Variants in ANKRD42 observed in about 807,000 individuals in gnomAD.
ANKRD42 encodes ankyrin repeat domain 42.
ANKRD42 carries 43 observed loss-of-function variants against 51.5 expected under a neutral mutation model. The ratio of observed to expected loss-of-function variants is 0.83; its 90% CI spans 0.65 to 1.08. ANKRD42 has a LOEUF of 1.08. Among genes scored for constraint, ANKRD42 ranks in the 50% least tolerant of loss-of-function variants. The probability of loss-of-function intolerance (pLI) is 0.00; values close to 1 mark genes in which losing one functional copy is unlikely to be tolerated. For missense variants in ANKRD42, 608 were observed against 629.3 expected (o/e 0.97, Z 0.36); for synonymous variants, 203 against 213.0 (o/e 0.95, Z 0.41).
chr11:83,215,518 C>T (rs1003989392), intron 5 of ANKRD42, among the ~76,000 whole-genome samples: 3 of 152,012 alleles, frequency 2.0e-5, no homozygotes, highest in East Asian at 1.9e-4. Context: ...GTAACTCCTA[C>T]GTTCCTTTCT....
intron 5 of ANKRD42, among the ~76,000 whole-genome samples, chr11:83,220,441 C>G (rs1322876637): frequency 6.6e-6 from 1 of 152,162 alleles, no homozygotes; most frequent in Non-Finnish European, 1.5e-5. Context: ...CTGGACACTC[C>G]TGGCAGGCTC....
chr11:83,202,399 A>G (rs754409923), intron 2 of ANKRD42, among the ~76,000 whole-genome samples: 53 of 152,292 alleles, frequency 3.5e-4, no homozygotes, highest in Middle Eastern at 3.4e-3. Context: ...GTAGCCTTGT[A>G]GTATAGTTTG....
downstream of ANKRD42, among the ~76,000 whole-genome samples, chr11:83,249,285 A>G (rs1863633929): frequency 6.6e-6 from 1 of 152,148 alleles, no homozygotes; most frequent in South Asian, 2.1e-4. Context: ...AGGGCACTGT[A>G]GCCTCGAACT....
intron 5 of ANKRD42, chr11:83,212,705 C>T: frequency 3.3e-6 from 5 of 1,536,102 alleles, no homozygotes; most frequent in Admixed American, 2.0e-5. Context: ...GCATGCTGGA[C>T]TTACATAATT....
At chr11:83,234,733 T>G (rs938878390) in intron 7 of ANKRD42, among the ~76,000 whole-genome samples, 4 of 152,190 alleles carry the variant, frequency 2.6e-5, no homozygotes, top group Non-Finnish European at 1.5e-5. Context: ...TGTTGCCATT[T>G]TTGTCTAAAG....
At chr11:83,198,422 CT>C (rs150340749) in intron 1 of ANKRD42, 56 bp from the exon 2 acceptor site, 156 of 1,478,298 alleles carry the variant, frequency 1.1e-4, no homozygotes, top group South Asian at 2.8e-4. Flanking sequence ...CTGTTTTAGT[CT>C]TTTTTTTTCT....
At chr11:83,221,204 T>C (rs766486678) in intron 5 of ANKRD42, among the ~76,000 whole-genome samples, 3 of 152,214 alleles carry the variant, frequency 2.0e-5, no homozygotes, top group Non-Finnish European at 2.9e-5. Context: ...TTGGCAAATA[T>C]GTTTCTCAAT....
intron 1 of ANKRD42, among the ~76,000 whole-genome samples, chr11:83,196,949 G>A (rs1487233638): frequency 1.3e-5 from 2 of 152,222 alleles, no homozygotes; most frequent in Non-Finnish European, 2.9e-5. Context: ...GTCTGTGTAA[G>A]ATGGATTAGA....
At chr11:83,201,147 CT>C (rs932512135) in intron 2 of ANKRD42, among the ~76,000 whole-genome samples, 14 of 152,290 alleles carry the variant, frequency 9.2e-5, no homozygotes, top group African/African-American at 2.9e-4. Context: ...TCCGCCTCCC[CT>C]AACCCTCCAC....
chr11:83,224,319 T>C (rs1210438648), intron 5 of ANKRD42, among the ~76,000 whole-genome samples: 1 of 152,228 alleles, frequency 6.6e-6, no homozygotes, highest in Non-Finnish European at 1.5e-5. Context: ...ATTTTACTTA[T>C]ATAATAAGCA....
downstream of ANKRD42, chr11:83,259,786 T>A (rs2135573639): frequency 6.6e-6 from 1 of 152,386 alleles, no homozygotes; most frequent in East Asian, 1.9e-4. Context: ...TGCCGCAGCC[T>A]CCCAAGCAGC....
chr11:83,210,010 C>A, intron 3 of ANKRD42: 1 of 359,646 alleles, frequency 2.8e-6, no homozygotes, highest in South Asian at 4.0e-5. Flanking sequence ...TGTATGGCAA[C>A]TTGAGAATTT....
rs753411504 is a variant in ANKRD42 at position 83,248,031 on chromosome 11, G to GT, written c.1413dup (p.Asp472Ter). 6.8e-6 allele frequency: 11 copies of GT among 1,609,748 alleles called. No homozygotes were observed. In the Admixed American group the frequency reaches 1.8e-4, roughly 27 times the overall value. On this transcript the variant is annotated frameshift_variant, in exon 11 of 11. Coordinates refer to ENST00000533342, the MANE Select transcript of ANKRD42 (RefSeq NM_001300975.2). LOFTEE classifies it low-confidence loss of function (END_TRUNC). ...TCAGCTTGATGAATATCGAGCAGAA[G>GT]TTGATCAACTCAGGGAAACACTGGA...
At chr11:83,259,643 T>G (rs1159081935), downstream of ANKRD42, 1 of 152,216 alleles carries the variant, frequency 6.6e-6, no homozygotes, top group African/African-American at 2.4e-5. Flanking sequence ...TATTTGCTGA[T>G]AAAACTATTG....
At chr11:83,205,839 T>C (rs1051458051) in intron 2 of ANKRD42, among the ~76,000 whole-genome samples, 7 of 152,192 alleles carry the variant, frequency 4.6e-5, no homozygotes, top group Non-Finnish European at 8.8e-5. Context: ...ACAAGAAATA[T>C]GGTCTCCAGT....
intron 3 of ANKRD42, among the ~76,000 whole-genome samples, chr11:83,207,467 G>A (rs1235350378): frequency 6.6e-6 from 1 of 152,216 alleles, no homozygotes; most frequent in Non-Finnish European, 1.5e-5. Context: ...AATTTAGGAG[G>A]AGGTAGAGGG....
At chr11:83,245,463 G>A (rs1863516380) in intron 9 of ANKRD42, 35 bp from the exon 10 acceptor site, 1 of 1,532,228 alleles carries the variant, frequency 6.5e-7, no homozygotes. Context: ...GCTGTTATAT[G>A]TCTAACTAGG....
rs1433290369 is a variant in ANKRD42, at chr11:83,193,799, C to T, written c.-872C>T. ...GAAAGAGACTCCGAGAAAGTACCAGCGGAAGGCGGCCGCCGCTACGGCGAT... is the reference window on the plus strand; with the variant it reads ...GAAAGAGACTCCGAGAAAGTACCAGTGGAAGGCGGCCGCCGCTACGGCGAT... On this transcript the variant is annotated 5_prime_UTR_variant, in exon 1 of 11. Transcript: ENST00000533342. 4.4e-6 allele frequency: 2 copies of T among 454,164 alleles called. No individual in the cohort carries two copies. The highest frequency in any genetic ancestry group is 4.4e-6 in the Non-Finnish European group (1 of 225,814). The allele number at this position is 454,164 out of a possible 1,614,324, so 28.1% of individuals were successfully genotyped here. A position where few individuals can be genotyped will look rare whatever the true frequency, so the allele number is the denominator to read the frequency against.
At chr11:83,225,782 GAAAAAAAA>G (rs59860833) in intron 6 of ANKRD42, among the ~76,000 whole-genome samples, 4 of 88,798 alleles carry the variant, frequency 4.5e-5, no homozygotes, top group Non-Finnish European at 8.4e-5. Context: ...CTCCATCCTG[GAAAAAAAA>G]AAAAAAAAAA....
Sources: allele counts gnomAD v4.1 joint callset (sites outside exome capture counted in the v4.1 genomes callset), GRCh38; gene constraint gnomAD v4.1.1; transcripts MANE v1.5; gene names NCBI Gene and HGNC (gene_info 2026-07-23, HGNC 2026-07-21).